The following ADGRB3 variants were observed in gnomAD, a reference collection of about 807,000 sequenced individuals.
The protein encoded by ADGRB3 is adhesion G protein-coupled receptor B3.
A neutral mutation model predicts 193.4 loss-of-function variants in ADGRB3; 37 were observed. The observed-to-expected ratio is 0.19, with a 90% CI of 0.15 to 0.25. The LOEUF (loss-of-function observed/expected upper bound fraction) is 0.25, where lower values mean the gene tolerates loss of function less well. Among genes scored for constraint, ADGRB3 ranks in the 10% least tolerant of loss-of-function variants. The pLI is 1.00. For synonymous variants in ADGRB3, 690 were observed against 644.2 expected, an observed-to-expected ratio of 1.07 and a Z score of -1.08; for missense variants, 1,637 against 1,852.9, an observed-to-expected ratio of 0.88 and a Z score of 2.14.
intron 17 of ADGRB3, among the ~76,000 whole-genome samples, chr6:69,206,257 C>A (rs1241584062): frequency 6.6e-6 from 1 of 151,724 alleles, no homozygotes; most frequent in Admixed American, 6.6e-5. Flanking sequence ...TCCAGTCTCT[C>A]TTTTCTCATT....
chr6:68,912,974 A>G (rs891090666), intron 3 of ADGRB3, among the ~76,000 whole-genome samples: 10 of 152,158 alleles, frequency 6.6e-5, no homozygotes, highest in African/African-American at 2.4e-4. Context: ...ACAGCAGTCT[A>G]AGATCAAACT....
intron 17 of ADGRB3, among the ~76,000 whole-genome samples, chr6:69,114,193 T>G (rs1773456859): frequency 6.6e-6 from 1 of 152,194 alleles, no homozygotes; most frequent in African/African-American, 2.4e-5. Context: ...TAAGTACTAT[T>G]ATCACCATTT....
At position 68,638,692 on chromosome 6, in the gene ADGRB3, A is replaced by G. The variant is rs150481950; in HGVS notation, c.17A>G (p.Asn6Ser). 12 of 1,613,402 alleles carry G rather than the reference A, an allele frequency of 7.4e-6. No individual in the cohort carries two copies. The highest frequency in any genetic ancestry group is 5.0e-5 in the Admixed American group (3 of 59,896). The change falls in exon 3 of 32, where the codon AAC becomes AGC. Residue 6 changes from asparagine to serine, a missense_variant. By Grantham distance (46) the Asn-to-Ser change is conservative. This residue lies in a region of ADGRB3 where 365 missense variants were observed against 409.8 expected (regional missense o/e 0.89). Transcript: ENST00000370598. ...TGACATAGGATGAAGGCTGTTCGTA[A>G]CCTGCTGATTTATATATTTTCCACC... The part of the protein sequence containing the change: MKAVR[N>S]LLIYIFSTYL...
At chr6:69,214,031 C>A (rs565418174) in intron 17 of ADGRB3, among the ~76,000 whole-genome samples, 111 of 152,186 alleles carry the variant, frequency 7.3e-4, no homozygotes, top group African/African-American at 2.6e-3. Flanking sequence ...ATAAAAATAG[C>A]TATCAGAACA....
intron 20 of ADGRB3, among the ~76,000 whole-genome samples, chr6:69,253,930 A>G (rs1049512028): frequency 1.3e-5 from 2 of 152,124 alleles, no homozygotes; most frequent in African/African-American, 4.8e-5. Flanking sequence ...AGGGCATGCC[A>G]TTTTGACTAA....
chr6:68,675,631 C>T (rs918246364), intron 3 of ADGRB3, among the ~76,000 whole-genome samples: 4 of 151,992 alleles, frequency 2.6e-5, no homozygotes, highest in African/African-American at 7.3e-5. Context: ...AGAAGCAGCA[C>T]GAGTGAATGG....
intron 13 of ADGRB3, among the ~76,000 whole-genome samples, chr6:69,031,717 C>G (rs1391465300): frequency 6.6e-6 from 1 of 151,438 alleles, no homozygotes; most frequent in African/African-American, 2.4e-5. Flanking sequence ...TCACTACAAC[C>G]TCCACCTCCT....
At chr6:69,232,714 T>C in intron 17 of ADGRB3, 6 of 1,229,484 alleles carry the variant, frequency 4.9e-6, no homozygotes, top group Non-Finnish European at 6.8e-6. Flanking sequence ...GCTTCCCGTT[T>C]CCAGGGTGAA....
At chr6:68,947,483 A>G (rs149761143) in intron 6 of ADGRB3, among the ~76,000 whole-genome samples, 22 of 152,256 alleles carry the variant, frequency 1.4e-4, no homozygotes, top group African/African-American at 4.8e-4. Flanking sequence ...AAAAATTACT[A>G]TTAAGTGGAC....
chr6:68,824,438 A>C (rs1320749408), intron 3 of ADGRB3, among the ~76,000 whole-genome samples: 1 of 149,504 alleles, frequency 6.7e-6, no homozygotes, highest in Non-Finnish European at 1.5e-5. Flanking sequence ...TTACATATAA[A>C]TACATACATA....
chr6:68,732,756 A>G (rs1765797209), intron 3 of ADGRB3, among the ~76,000 whole-genome samples: 1 of 151,930 alleles, frequency 6.6e-6, no homozygotes, highest in Admixed American at 6.6e-5. Flanking sequence ...TGGGATTTCC[A>G]TATTCTGTGG....
At chr6:69,272,570 T>C (rs1468754625) in intron 20 of ADGRB3, among the ~76,000 whole-genome samples, 5 of 152,128 alleles carry the variant, frequency 3.3e-5, no homozygotes, top group African/African-American at 1.2e-4. Context: ...GAATCTGGAA[T>C]TGGATTGAGA....
intron 30 of ADGRB3, among the ~76,000 whole-genome samples, chr6:69,377,788 T>C (rs1328648315): frequency 6.6e-6 from 1 of 152,094 alleles, no homozygotes; most frequent in African/African-American, 2.4e-5. Context: ...TTCACACTTA[T>C]GAATTAAAGT....
At chr6:69,132,344 G>A (rs1240121916) in intron 17 of ADGRB3, among the ~76,000 whole-genome samples, 2 of 152,120 alleles carry the variant, frequency 1.3e-5, no homozygotes, top group Non-Finnish European at 2.9e-5. Flanking sequence ...GTATCTCATT[G>A]TGGTTTTGAT....
intron 17 of ADGRB3, among the ~76,000 whole-genome samples, chr6:69,192,119 T>C (rs1231152353): frequency 6.6e-6 from 1 of 152,174 alleles, no homozygotes; most frequent in Non-Finnish European, 1.5e-5. Flanking sequence ...TAAGGAGTAT[T>C]GGCTCATACA....
At chr6:68,868,968 G>T (rs1349803472) in intron 3 of ADGRB3, among the ~76,000 whole-genome samples, 1 of 138,342 alleles carries the variant, frequency 7.2e-6, no homozygotes, top group Non-Finnish European at 1.5e-5. Flanking sequence ...CTTAATCTTA[G>T]CATCCTATCC....
intron 12 of ADGRB3, among the ~76,000 whole-genome samples, chr6:69,015,316 ACTT>A (rs1420008558): frequency 6.6e-6 from 1 of 152,028 alleles, no homozygotes; most frequent in African/African-American, 2.4e-5. Flanking sequence ...TGGTGGCAGA[ACTT>A]CTTGTCAATG....
intron 17 of ADGRB3, among the ~76,000 whole-genome samples, chr6:69,208,628 G>A (rs1765588787): frequency 6.6e-6 from 1 of 152,156 alleles, no homozygotes; most frequent in Non-Finnish European, 1.5e-5. Flanking sequence ...TGTGAAGCAA[G>A]CCCTAGTCTT....
intron 3 of ADGRB3, among the ~76,000 whole-genome samples, chr6:68,922,047 A>G (rs759383963): frequency 9.2e-5 from 14 of 152,228 alleles, no homozygotes; most frequent in Non-Finnish European, 1.5e-4. Context: ...AGAAATGTAT[A>G]TATAACTACT....
Sources: gnomAD v4.1 joint callset for allele counts (sites outside exome capture counted in the v4.1 genomes callset) on GRCh38, gnomAD v4.1.1 for gene constraint, gnomAD v4.1.1 regional missense constraint, MANE v1.5 for transcripts, NCBI Gene and HGNC (gene_info 2026-07-23, HGNC 2026-07-21) for gene names.